Variants in BTBD1 observed in about 807,000 individuals in gnomAD.
BTBD1 encodes the protein BTB/POZ domain-containing protein 1.
A neutral mutation model predicts 48.0 loss-of-function variants in BTBD1; 34 were observed. The observed-to-expected ratio is 0.71, with a 90% CI of 0.54 to 0.94. The LOEUF is 0.94. Ranked by LOEUF, BTBD1 falls within the 40% of genes least tolerant of loss-of-function variation. The pLI, the probability that BTBD1 is intolerant of heterozygous loss-of-function variation, is 0.00. For synonymous variants in BTBD1, 261 were observed against 242.1 expected (o/e 1.08, Z -0.72); for missense variants, 543 against 625.6 (o/e 0.87, Z 1.41).
intron 5 of BTBD1, among the ~76,000 whole-genome samples, chr15:83,023,938 G>A (rs2032351971): frequency 1.3e-5 from 2 of 152,118 alleles, no homozygotes; most frequent in Non-Finnish European, 2.9e-5. Flanking sequence ...CACGATCTCG[G>A]CTCATTGCAG....
At chr15:83,051,317 AATTTTAAAGTAAAATTC>A (rs1210762795) in intron 2 of BTBD1, among the ~76,000 whole-genome samples, 2 of 152,116 alleles carry the variant, frequency 1.3e-5, no homozygotes, top group Admixed American at 6.6e-5. Flanking sequence ...CTCTTCATTT[AATTTTAAAGTAAAATTC>A]ATTTTAAAGT....
At chr15:83,042,957 T>C (rs1417639272) in intron 3 of BTBD1, among the ~76,000 whole-genome samples, 1 of 151,934 alleles carries the variant, frequency 6.6e-6, no homozygotes, top group Non-Finnish European at 1.5e-5. Context: ...CTGGGCAATA[T>C]AGTGAGACCC....
chr15:83,038,990 A>G (rs1361563999), intron 4 of BTBD1, among the ~76,000 whole-genome samples: 1 of 152,212 alleles, frequency 6.6e-6, no homozygotes, highest in Non-Finnish European at 1.5e-5. Flanking sequence ...TTTATGACAA[A>G]GTCCTCAAAA....
Position 83,066,854 on chromosome 15 carries a change from C to G in BTBD1, c.298G>C (p.Gly100Arg). The G allele has an allele frequency of 6.9e-7, 1 of 1,453,884 alleles. No individual in the cohort carries two copies. Among genetic ancestry groups the G allele is most frequent in the Non-Finnish European group, 9.0e-7 (1 of 1,106,842 alleles). 90.1% of individuals were successfully genotyped at this position (1,453,884 alleles called of 1,614,324 possible). ...IPAHRFVLAA[G>R]SAVFDAMFNG... is the part of the protein sequence containing the mutation. ...AACATGGCGTCAAAGACGGCGCTGCCGGCCGCCAGCACGAAGCGGTGGGCG... is the reference window on the plus strand; with the variant it reads ...AACATGGCGTCAAAGACGGCGCTGCGGGCCGCCAGCACGAAGCGGTGGGCG... Residue 100 changes from glycine to arginine, a missense_variant, in exon 1 of 8, where the codon GGC (glycine) becomes CGC (arginine). Around this residue, in one of 3 missense-constraint regions of BTBD1, gnomAD observed 173 missense variants for 163.9 expected, o/e 1.06. Transcript: ENST00000261721.
rs576108825 is a variant in BTBD1 at position 83,042,039 on chromosome 15, A to G, written c.665-114T>C. The G allele has an allele frequency of 3.4e-5, 26 of 767,558 alleles. No individual in the cohort carries two copies. The East Asian group carries it at 6.4e-4, about 19-fold the overall frequency. 47.5% of individuals were successfully genotyped at this position (767,558 alleles called of 1,614,324 possible). A position where few individuals can be genotyped will look rare whatever the true frequency, so the allele number is the denominator to read the frequency against. On this transcript the variant is annotated intron_variant, in intron 3 of 7. Transcript: ENST00000261721. ...CAGATCTCAACAAAAAATAGGTTAG[A>G]CACTTAAAACTACAGACTTTATACT...
Position 83,056,443 on chromosome 15 carries a change from T to C in BTBD1, c.504A>G (p.Val168=). ...YAVPALEAHC[V]EFLTKHLRAD... is the part of the protein sequence containing the mutation. Reference sequence around the variant, plus strand: ...CCCTAAGATGTTTGGTGAGAAATTCTACACAGTGTGCTTCCAAGGCTGGGA... The same window carrying C: ...CCCTAAGATGTTTGGTGAGAAATTCCACACAGTGTGCTTCCAAGGCTGGGA... The change falls in exon 2 of 8, where the codon GTA becomes GTG. Residue 168 remains valine, a synonymous_variant. Coordinates refer to ENST00000261721, the MANE Select transcript of BTBD1 (RefSeq NM_025238.4). 6.2e-7 allele frequency: 1 copy of C among 1,613,714 alleles called. No homozygotes were observed. Among genetic ancestry groups the C allele is most frequent in the Non-Finnish European group, 8.5e-7 (1 of 1,179,624 alleles).
At chr15:83,066,370 C>T (rs2033270139) in intron 1 of BTBD1, among the ~76,000 whole-genome samples, 1 of 152,190 alleles carries the variant, frequency 6.6e-6, no homozygotes, top group South Asian at 2.1e-4. Flanking sequence ...CAACTACTCT[C>T]TTCCCCCAAA....
chr15:83,063,648 T>C (rs2033211287), intron 1 of BTBD1, among the ~76,000 whole-genome samples: 1 of 152,136 alleles, frequency 6.6e-6, no homozygotes. Flanking sequence ...TTCAAAACTC[T>C]CCAAAGGCTT....
intron 1 of BTBD1, among the ~76,000 whole-genome samples, chr15:83,064,454 C>G (rs1459178181): frequency 6.6e-6 from 1 of 152,052 alleles, no homozygotes; most frequent in Non-Finnish European, 1.5e-5. Flanking sequence ...TTCAAACACT[C>G]TAAAATTAAC....
intron 5 of BTBD1, 107 bp downstream of exon 5, chr15:83,030,028 TG>T: frequency 9.8e-7 from 1 of 1,021,182 alleles, no homozygotes; most frequent in Non-Finnish European, 1.5e-6. Context: ...GTGTATTAAA[TG>T]AAGTATAAAA....
chr15:83,037,177 T>G (rs573168568), intron 4 of BTBD1, among the ~76,000 whole-genome samples: 33 of 152,028 alleles, frequency 2.2e-4, no homozygotes, highest in Non-Finnish European at 4.6e-4. Flanking sequence ...GATAAACCAG[T>G]AAAACAAAAT....
intron 3 of BTBD1, among the ~76,000 whole-genome samples, chr15:83,046,706 C>T (rs2032886115): frequency 6.6e-6 from 1 of 152,182 alleles, no homozygotes; most frequent in Admixed American, 6.6e-5. Context: ...TCATTAACAA[C>T]TTGGGCAGTG....
chr15:83,037,086 C>G (rs374498162), intron 4 of BTBD1, among the ~76,000 whole-genome samples: 1 of 151,384 alleles, frequency 6.6e-6, no homozygotes, highest in Non-Finnish European at 1.5e-5. Flanking sequence ...AAAACAAAAA[C>G]AATCTTGGAG....
chr15:83,041,407 G>C (rs1251676806), intron 4 of BTBD1, among the ~76,000 whole-genome samples: 1 of 149,474 alleles, frequency 6.7e-6, no homozygotes, highest in Admixed American at 6.7e-5. Context: ...GTGGAATCTC[G>C]CTCTGTCGCC....
chr15:83,041,544 T>G (rs1023900847), intron 4 of BTBD1, among the ~76,000 whole-genome samples, 184 bp downstream of exon 4: 2 of 152,128 alleles, frequency 1.3e-5, no homozygotes, highest in Non-Finnish European at 2.9e-5. Context: ...CCTAATTTTT[T>G]GTACTTTTAG....
chr15:83,055,418 C>T (rs938580962), intron 2 of BTBD1, among the ~76,000 whole-genome samples: 1 of 152,110 alleles, frequency 6.6e-6, no homozygotes, highest in Admixed American at 6.5e-5. Flanking sequence ...CCACCATGCT[C>T]GGCTAATTTT....
intron 2 of BTBD1, among the ~76,000 whole-genome samples, chr15:83,051,866 T>TC (rs2032989295): frequency 5.7e-5 from 1 of 17,478 alleles, no homozygotes; most frequent in African/African-American, 3.8e-4. Flanking sequence ...TTAATTTTTT[T>TC]TCCATATATA....
At chr15:83,038,201 G>A (rs867616041) in intron 4 of BTBD1, among the ~76,000 whole-genome samples, 2 of 152,080 alleles carry the variant, frequency 1.3e-5, no homozygotes, top group Non-Finnish European at 2.9e-5. Context: ...CGCCAGTAAC[G>A]TTCAAGCTGA....
At chr15:83,060,153 T>C (rs2033153594) in intron 1 of BTBD1, among the ~76,000 whole-genome samples, 1 of 152,132 alleles carries the variant, frequency 6.6e-6, no homozygotes, top group Admixed American at 6.6e-5. Flanking sequence ...CAGGTTTCTA[T>C]GTAACGTCAA....
Sources: gnomAD v4.1 joint callset for allele counts (sites outside exome capture counted in the v4.1 genomes callset) on GRCh38, gnomAD v4.1.1 for gene constraint, gnomAD v4.1.1 regional missense constraint, MANE v1.5 for transcripts, NCBI Gene and HGNC (gene_info 2026-07-23, HGNC 2026-07-21) for gene names.